The following WDR7 variants were observed in gnomAD, a reference collection of about 807,000 sequenced individuals.
WDR7 encodes WD repeat-containing protein 7.
In WDR7, 46 loss-of-function variants were observed where a neutral mutation model predicts 169.4. The observed-to-expected ratio is 0.27, with a 90% confidence interval of 0.21 to 0.35. The LOEUF is 0.35. Ranked by LOEUF, WDR7 falls within the 10% of genes least tolerant of loss-of-function variation. The probability of loss-of-function intolerance (pLI) is 1.00; values close to 1 mark genes in which losing one functional copy is unlikely to be tolerated. For missense variants in WDR7, 1,534 were observed against 1,859.3 expected, an observed-to-expected ratio of 0.83 and a Z score of 3.22; for synonymous variants, 612 against 666.8, an observed-to-expected ratio of 0.92 and a Z score of 1.27.
chr18:56,972,135 A>G (rs567882810), intron 26 of WDR7, among the ~76,000 whole-genome samples: 2 of 152,362 alleles, frequency 1.3e-5, no homozygotes, highest in East Asian at 1.9e-4. Context: ...GTAATCTTCT[A>G]TGACAGATTT....
chr18:56,728,810 A>G lies in WDR7; in HGVS notation c.1775-2573A>G, dbSNP rs1029530144. Among the ~76,000 whole-genome samples the G allele has an allele frequency of 2.0e-5, 3 of 152,220 alleles. No individual in the cohort carries two copies. The South Asian group carries it at 6.2e-4, about 32-fold the overall frequency. On this transcript the variant is annotated intron_variant, in intron 13 of 27. Transcript: ENST00000254442. ...GTTCCAACAGTGTCTCTTGATGCACATGCTTCTGGGGCTAAACCCTGTGCC... is the reference window on the plus strand; with the variant it reads ...GTTCCAACAGTGTCTCTTGATGCACGTGCTTCTGGGGCTAAACCCTGTGCC...
chr18:56,807,413 C>CAT (rs1335821151), intron 19 of WDR7, among the ~76,000 whole-genome samples: 1 of 152,050 alleles, frequency 6.6e-6, no homozygotes, highest in East Asian at 1.9e-4. Context: ...GTTGTCAGCT[C>CAT]ATATCCTGCA....
At chr18:56,763,207 C>T (rs1405580731) in intron 16 of WDR7, among the ~76,000 whole-genome samples, 2 of 152,106 alleles carry the variant, frequency 1.3e-5, no homozygotes, top group African/African-American at 4.8e-5. Flanking sequence ...GATCCTCCCA[C>T]AGTGCTGGGA....
chr18:56,849,539 AAAATAATCACCTAATTCTACATTTTCC>A (rs1167108877), intron 20 of WDR7, among the ~76,000 whole-genome samples: 2 of 152,136 alleles, frequency 1.3e-5, no homozygotes. Context: ...TTCTGCTTTC[AAAATAATCACCTAATTCTACATTTTCC>A]ACTTTTCTTC....
chr18:57,018,617 T>C (rs2048242237), intron 26 of WDR7, among the ~76,000 whole-genome samples: 1 of 152,226 alleles, frequency 6.6e-6, no homozygotes, highest in South Asian at 2.1e-4. Context: ...GAAGATCTGA[T>C]CAATTAGAAA....
intron 14 of WDR7, among the ~76,000 whole-genome samples, chr18:56,746,150 TA>T (rs2043699392): frequency 6.6e-6 from 1 of 152,230 alleles, no homozygotes; most frequent in African/African-American, 2.4e-5. Context: ...ATAGGAAGTA[TA>T]ACTGGTACAT....
chr18:56,653,506 C>G (rs566146123), intron 1 of WDR7, among the ~76,000 whole-genome samples: 1 of 152,184 alleles, frequency 6.6e-6, no homozygotes, highest in Non-Finnish European at 1.5e-5. Flanking sequence ...CACATCCAGT[C>G]TCATTCATTG....
At position 56,771,648 on chromosome 18, in the gene WDR7, G is replaced by T. The variant is rs529761009; in HGVS notation, c.2849-5134G>T. 2.0e-5 allele frequency among the ~76,000 whole-genome samples: 3 copies of T among 149,882 alleles called. No homozygotes were observed. The South Asian group carries it at 6.4e-4, about 32-fold the overall frequency. ...TGTAATCCTGGCACTTTGGGAGATT[G>T]AGGTGGGCAGATCACCTGAGGTCTG... On this transcript the variant is annotated intron_variant, in intron 16 of 27. Transcript: ENST00000254442.
chr18:56,733,086 G>A (rs957886187), intron 14 of WDR7, among the ~76,000 whole-genome samples: 13 of 152,202 alleles, frequency 8.5e-5, no homozygotes, highest in East Asian at 1.9e-4. Context: ...TTTTAATAGC[G>A]TATTTTATAG....
intron 25 of WDR7, among the ~76,000 whole-genome samples, chr18:56,950,993 T>C (rs899832356): frequency 1.3e-5 from 2 of 152,210 alleles, no homozygotes; most frequent in African/African-American, 2.4e-5. Context: ...TTTTTTCTTT[T>C]CCTTTAATAA....
At chr18:56,744,648 A>G (rs1256589835) in intron 14 of WDR7, among the ~76,000 whole-genome samples, 3 of 152,176 alleles carry the variant, frequency 2.0e-5, no homozygotes, top group Non-Finnish European at 4.4e-5. Flanking sequence ...AGTGGTTCCC[A>G]AACCATGCTG....
At chr18:56,937,736 G>T (rs1340760054) in intron 23 of WDR7, among the ~76,000 whole-genome samples, 2 of 152,138 alleles carry the variant, frequency 1.3e-5, no homozygotes, top group East Asian at 3.9e-4. Flanking sequence ...AGTCTTATTT[G>T]CAGTTGATCC....
chr18:57,032,844 T>TAC (rs1555649902), downstream of WDR7: 6 of 123,750 alleles, frequency 4.8e-5, no homozygotes, highest in Admixed American at 1.7e-4. Context: ...TATATATATA[T>TAC]ACAGTGTAAT....
Position 56,756,850 on chromosome 18 carries a change from A to G in WDR7, c.2257A>G (p.Asn753Asp). The G allele has an allele frequency of 6.2e-7, 1 of 1,614,124 alleles. No homozygotes were observed. The highest frequency in any genetic ancestry group is 8.5e-7 in the Non-Finnish European group (1 of 1,180,012). ...FQQVKETIKE[N>D]IKEHLLDDEE... ...ACAAGTGAAAGAAACGATCAAAGAG[A>G]ACATCAAGGAACACCTCCTTGATGA... The change falls in exon 15 of 28, where the codon AAC becomes GAC. Residue 753 changes from asparagine to aspartate, a missense_variant. Coordinates refer to ENST00000254442, the MANE Select transcript of WDR7 (RefSeq NM_015285.3).
intron 26 of WDR7, chr18:57,009,883 T>C (rs866290918): frequency 1.0e-6 from 1 of 985,278 alleles, no homozygotes; most frequent in Non-Finnish European, 1.2e-6. Context: ...CGGGAACACA[T>C]GTGAAGATCC....
chr18:57,009,674 A>G (rs1213392234), intron 26 of WDR7, among the ~76,000 whole-genome samples: 1 of 152,220 alleles, frequency 6.6e-6, no homozygotes, highest in East Asian at 1.9e-4. Flanking sequence ...AATGTTGGTT[A>G]ATATATGTAT....
intron 27 of WDR7, among the ~76,000 whole-genome samples, chr18:57,022,072 C>T (rs941095710): frequency 6.6e-6 from 1 of 152,174 alleles, no homozygotes. Context: ...TATTAAACTC[C>T]CTTTATCAGA....
At chr18:57,010,063 G>A in intron 26 of WDR7, 1 of 985,464 alleles carries the variant, frequency 1.0e-6, no homozygotes, top group Non-Finnish European at 1.2e-6. Flanking sequence ...AGCCTGAAAT[G>A]TCTAGAAAGG....
chr18:56,712,143 A>T (rs2026100875), intron 12 of WDR7, among the ~76,000 whole-genome samples: 1 of 152,280 alleles, frequency 6.6e-6, no homozygotes, highest in African/African-American at 2.4e-5. Flanking sequence ...TCTATTATTT[A>T]CACTGGGAGC....
Sources: gnomAD v4.1 joint callset for allele counts (sites outside exome capture counted in the v4.1 genomes callset) on GRCh38, gnomAD v4.1.1 for gene constraint, MANE v1.5 for transcripts, NCBI Gene and HGNC (gene_info 2026-07-23, HGNC 2026-07-21) for gene names.